Variants in MECOM observed in about 807,000 individuals in gnomAD.
MECOM encodes the protein MDS1 and EVI1 complex locus, also known as histone-lysine N-methyltransferase MECOM.
A neutral mutation model predicts 116.3 loss-of-function variants in MECOM; 13 were observed. The observed-to-expected ratio is 0.11, with a 90% CI of 0.07 to 0.18. The LOEUF is 0.18. MECOM is among the 10% of genes least tolerant of loss of function. The pLI is 1.00. For missense variants in MECOM, 1,299 were observed against 1,509.0 expected (o/e 0.86, Z 2.31); for synonymous variants, 528 against 535.2 (o/e 0.99, Z 0.19).
intron 1 of MECOM, among the ~76,000 whole-genome samples, chr3:169,506,746 C>T (rs1045803229): frequency 6.6e-6 from 1 of 152,144 alleles, no homozygotes; most frequent in Non-Finnish European, 1.5e-5. Flanking sequence ...GCTATACTTA[C>T]CCCAGGGTGA....
At chr3:169,368,451 A>G (rs1729543276) in intron 2 of MECOM, among the ~76,000 whole-genome samples, 1 of 152,022 alleles carries the variant, frequency 6.6e-6, no homozygotes, top group African/African-American at 2.4e-5. Flanking sequence ...TATCATTCAA[A>G]TGGAAGAGTG....
chr3:169,392,977 C>T (rs1734467648), intron 1 of MECOM, among the ~76,000 whole-genome samples: 1 of 152,102 alleles, frequency 6.6e-6, no homozygotes, highest in Non-Finnish European at 1.5e-5. Context: ...ATGGCACGCC[C>T]ACATTTCCAT....
chr3:169,268,010 C>A (rs1165633058), intron 2 of MECOM, among the ~76,000 whole-genome samples: 1 of 152,172 alleles, frequency 6.6e-6, no homozygotes, highest in Non-Finnish European at 1.5e-5. Context: ...AAGCACCACA[C>A]AACCAATTAG....
intron 2 of MECOM, among the ~76,000 whole-genome samples, chr3:169,231,433 A>G (rs576862383): frequency 5.3e-5 from 8 of 152,272 alleles, no homozygotes; most frequent in Non-Finnish European, 8.8e-5. Flanking sequence ...AAATGTAAAT[A>G]AACTAACAAG....
intron 1 of MECOM, among the ~76,000 whole-genome samples, chr3:169,556,249 C>T (rs1245006007): frequency 6.6e-6 from 1 of 151,708 alleles, no homozygotes; most frequent in African/African-American, 2.4e-5. Context: ...GCACCTTAAT[C>T]TCATGTAATT....
At chr3:169,142,893 C>A (rs1315551408) in intron 3 of MECOM, among the ~76,000 whole-genome samples, 1 of 151,780 alleles carries the variant, frequency 6.6e-6, no homozygotes, top group Admixed American at 6.6e-5. Context: ...ATTTAGGAAA[C>A]CATTGGGTTA....
chr3:169,119,478 A>C (rs1730273681), intron 7 of MECOM, among the ~76,000 whole-genome samples: 1 of 152,210 alleles, frequency 6.6e-6, no homozygotes, highest in South Asian at 2.1e-4. Context: ...CTTTAAAGTG[A>C]AACACTTGTC....
At chr3:169,563,531 C>T (rs1290043777) in intron 1 of MECOM, among the ~76,000 whole-genome samples, 1 of 152,158 alleles carries the variant, frequency 6.6e-6, no homozygotes, top group Non-Finnish European at 1.5e-5. Flanking sequence ...ACCTTTTGGC[C>T]ATCTAGTCTG....
chr3:169,395,120 T>C (rs1399748272), intron 1 of MECOM, among the ~76,000 whole-genome samples: 1 of 152,164 alleles, frequency 6.6e-6, no homozygotes. Context: ...AAAAAGATCA[T>C]GCACACTCCA....
intron 1 of MECOM, among the ~76,000 whole-genome samples, chr3:169,554,023 A>G (rs1451027949): frequency 6.6e-6 from 1 of 152,074 alleles, no homozygotes; most frequent in Non-Finnish European, 1.5e-5. Flanking sequence ...CTAACACTAC[A>G]TTTCCCAGCC....
intron 12 of MECOM, among the ~76,000 whole-genome samples, chr3:169,099,293 T>C (rs958843842): frequency 6.6e-6 from 1 of 152,188 alleles, no homozygotes; most frequent in Admixed American, 6.5e-5. Flanking sequence ...CGTGATAACA[T>C]AGTTTCCAGT....
intron 2 of MECOM, among the ~76,000 whole-genome samples, chr3:169,170,723 G>A (rs1345823923): frequency 1.3e-5 from 2 of 152,140 alleles, no homozygotes; most frequent in African/African-American, 4.8e-5. Flanking sequence ...AGAACTAGGT[G>A]TTCCCTCAAA....
chr3:169,653,182 C>T (rs1286939647), intron 1 of MECOM, among the ~76,000 whole-genome samples: 1 of 152,098 alleles, frequency 6.6e-6, no homozygotes, highest in South Asian at 2.1e-4. Flanking sequence ...AATTCTGGTG[C>T]CGACATTACT....
rs1359701589 is a variant in MECOM, at chr3:169,210,550, G to T, written c.376-66718C>A. On this transcript the variant is annotated intron_variant, in intron 2 of 16. Transcript: ENST00000651503. The stretch of plus-strand genomic sequence containing the variant: ...AACATAATCAAGATCTTGCAAATGT[G>T]ATAAGAAAATGATTTAGGGCAAAAG... 2.0e-5 allele frequency among the ~76,000 whole-genome samples: 3 copies of T among 152,062 alleles called. No individual in the cohort carries two copies. In the East Asian group the frequency reaches 5.8e-4, roughly 29 times the overall value.
At chr3:169,588,789 A>C (rs1164337121) in intron 1 of MECOM, among the ~76,000 whole-genome samples, 1 of 152,202 alleles carries the variant, frequency 6.6e-6, no homozygotes, top group Non-Finnish European at 1.5e-5. Flanking sequence ...ATCTCATAAA[A>C]GGACACATTG....
intron 1 of MECOM, among the ~76,000 whole-genome samples, chr3:169,619,909 C>A (rs1225368225): frequency 6.6e-6 from 1 of 152,226 alleles, no homozygotes; most frequent in East Asian, 1.9e-4. Flanking sequence ...AAAAACAGCA[C>A]CCTGGTGTCC....
chr3:169,147,601 C>T (rs1740295860), intron 2 of MECOM: 1 of 985,384 alleles, frequency 1.0e-6, no homozygotes, highest in Non-Finnish European at 1.2e-6. Context: ...ATGCACCATC[C>T]CCCTTAAACA....
chr3:169,545,760 C>A (rs930672388), intron 1 of MECOM, among the ~76,000 whole-genome samples: 1 of 152,188 alleles, frequency 6.6e-6, no homozygotes, highest in Non-Finnish European at 1.5e-5. Flanking sequence ...AGAGACACAG[C>A]CTGAGGCACA....
intron 1 of MECOM, among the ~76,000 whole-genome samples, chr3:169,472,609 A>AAGGG (rs1749645855): frequency 1.4e-5 from 1 of 71,400 alleles, no homozygotes; most frequent in Non-Finnish European, 2.5e-5. Context: ...AAAGGAAAGG[A>AAGGG]AAGGAAAGAA....
Sources: allele counts gnomAD v4.1 joint callset (sites outside exome capture counted in the v4.1 genomes callset), GRCh38; gene constraint gnomAD v4.1.1; transcripts MANE v1.5; gene names NCBI Gene and HGNC (gene_info 2026-07-23, HGNC 2026-07-21).